The following PRKN variants were observed in gnomAD, a reference collection of about 807,000 sequenced individuals.
The protein encoded by PRKN is parkin RBR E3 ubiquitin protein ligase, also known as E3 ubiquitin-protein ligase parkin.
Under a neutral mutation model 59.5 loss-of-function variants are expected in PRKN, and 56 were observed. The observed-to-expected ratio is 0.94, with a 90% CI of 0.76 to 1.18. PRKN has a LOEUF of 1.18. Ranked by LOEUF, PRKN falls within the 50% of genes most tolerant of loss-of-function variation. PRKN has a pLI of 0.00. For synonymous variants in PRKN, 250 were observed against 222.1 expected (o/e 1.13, Z -1.12); for missense variants, 657 against 596.4 (o/e 1.10, Z -1.06).
At chr6:162,158,167 A>G (rs548690198) in intron 4 of PRKN, among the ~76,000 whole-genome samples, 1 of 152,148 alleles carries the variant, frequency 6.6e-6, no homozygotes, top group Non-Finnish European at 1.5e-5. Context: ...AAGGAATACC[A>G]TTAGGAAGGT....
chr6:162,158,055 G>A (rs1782594071), intron 4 of PRKN, among the ~76,000 whole-genome samples: 1 of 152,028 alleles, frequency 6.6e-6, no homozygotes, highest in South Asian at 2.1e-4. Flanking sequence ...GGTAACTCAT[G>A]AAATAGAGTA....
rs570380404 is a variant in PRKN at position 161,550,831 on chromosome 6, G to T, written c.934-1828C>A. On this transcript the variant is annotated intron_variant, in intron 8 of 11. Coordinates refer to ENST00000366898, the MANE Select transcript of PRKN (RefSeq NM_004562.3). This position sits in a 1 kb window ranked among gnomAD's most constrained non-coding sequence, Gnocchi z 4.0. ...TCAGTTTGATAAGCTATTACACAGC[G>T]ATGTCAAAATGTCCAGTATCTAATT... Among the ~76,000 whole-genome samples the T allele has an allele frequency of 6.6e-6, 1 of 151,924 alleles. No individual in the cohort carries two copies. The highest frequency in any genetic ancestry group is 2.1e-4 in the South Asian group (1 of 4,800).
intron 7 of PRKN, among the ~76,000 whole-genome samples, chr6:161,640,667 C>A (rs920449432): frequency 6.6e-6 from 1 of 152,074 alleles, no homozygotes; most frequent in Admixed American, 6.5e-5. Context: ...ACGGCCTTTA[C>A]CACCGAGGTT....
intron 4 of PRKN, among the ~76,000 whole-genome samples, chr6:162,173,444 G>A (rs1423833498): frequency 1.3e-5 from 2 of 152,044 alleles, no homozygotes; most frequent in East Asian, 3.9e-4. Flanking sequence ...AAAAACTGAC[G>A]AAGCCTTCCT....
chr6:161,569,176 G>C (rs1159709370), intron 8 of PRKN, among the ~76,000 whole-genome samples, 179 bp downstream of exon 8: 2 of 152,208 alleles, frequency 1.3e-5, no homozygotes, highest in Non-Finnish European at 2.9e-5. Context: ...TAACCTGTCA[G>C]GTCTGATGGA....
intron 4 of PRKN, among the ~76,000 whole-genome samples, chr6:162,116,002 A>C (rs1780655129): frequency 6.6e-6 from 1 of 152,214 alleles, no homozygotes; most frequent in Non-Finnish European, 1.5e-5. Context: ...TTACAGGGCC[A>C]CTGCCCACTC....
chr6:162,342,151 C>T (rs1454239517), intron 2 of PRKN, among the ~76,000 whole-genome samples: 3 of 152,086 alleles, frequency 2.0e-5, no homozygotes, highest in Non-Finnish European at 4.4e-5. Flanking sequence ...TCTGTGTCAA[C>T]CTATTTGGTA....
intron 2 of PRKN, among the ~76,000 whole-genome samples, chr6:162,385,952 G>C (rs1786779992): frequency 6.6e-6 from 1 of 151,726 alleles, no homozygotes; most frequent in South Asian, 2.1e-4. Context: ...AGGTCCTCTT[G>C]TCCTATTGAG....
At chr6:162,451,047 A>G (rs1401724900) in intron 1 of PRKN, among the ~76,000 whole-genome samples, 2 of 152,164 alleles carry the variant, frequency 1.3e-5, no homozygotes, top group Non-Finnish European at 2.9e-5. Flanking sequence ...TTAAAGAAAA[A>G]GATCTAGATG....
chr6:162,440,532 T>G (rs539438060), intron 2 of PRKN, among the ~76,000 whole-genome samples: 2 of 152,284 alleles, frequency 1.3e-5, no homozygotes, highest in South Asian at 2.1e-4. Context: ...AATTTTGTCC[T>G]GGAATAATTA....
At chr6:161,513,389 T>C (rs1487660950) in intron 9 of PRKN, among the ~76,000 whole-genome samples, 2 of 152,086 alleles carry the variant, frequency 1.3e-5, no homozygotes, top group Non-Finnish European at 1.5e-5. Flanking sequence ...TACAGGTGCA[T>C]GCCACCACGC....
At chr6:162,031,165 C>CA (rs982305183) in intron 5 of PRKN, among the ~76,000 whole-genome samples, 3 of 151,166 alleles carry the variant, frequency 2.0e-5, no homozygotes, top group Non-Finnish European at 2.9e-5. Flanking sequence ...CTGAGAAGGA[C>CA]AATTCTAGAG....
intron 2 of PRKN, among the ~76,000 whole-genome samples, chr6:162,318,792 A>G (rs867110365): frequency 4.6e-5 from 7 of 152,064 alleles, no homozygotes; most frequent in African/African-American, 7.2e-5. Flanking sequence ...GGCCAAAGAT[A>G]TAACATTTGT....
In PRKN at chr6:162,580,568, G is replaced by GA. The variant is rs35986286; in HGVS notation, c.8-137096dup. Among the ~76,000 whole-genome samples, 188 of 144,738 alleles carry GA rather than the reference G, an allele frequency of 1.3e-3. 1 individual carries two copies. Among genetic ancestry groups the GA allele is most frequent in the South Asian group, 7.0e-3 (32 of 4,590 alleles). The allele number at this position is 144,738 out of a possible 152,430, so 95.0% of individuals were successfully genotyped here. ...TAGGAGGATAACAATGGCAAACAGA[G>GA]AAAAAAAAAAAAATCTGTACGATGC... On this transcript the variant is annotated intron_variant, in intron 1 of 11. Coordinates refer to ENST00000366898, the MANE Select transcript of PRKN (RefSeq NM_004562.3).
intron 6 of PRKN, among the ~76,000 whole-genome samples, chr6:161,968,333 C>T (rs1454371544): frequency 6.6e-6 from 1 of 151,992 alleles, no homozygotes; most frequent in Admixed American, 6.6e-5. Context: ...CTCACCATGC[C>T]CAGCCTCAGT....
Position 162,281,028 on chromosome 6 carries a change from A to G in PRKN, c.172-18263T>C, listed in dbSNP as rs117409442. Among the ~76,000 whole-genome samples, 241 of 152,276 alleles carry G rather than the reference A, an allele frequency of 1.6e-3. 4 individuals are homozygous for G. The East Asian group carries it at 0.024, about 15-fold the overall frequency. On this transcript the variant is annotated intron_variant, in intron 2 of 11. Transcript: ENST00000366898. ...TCATCCTCAGCAAACCAACACAGGA[A>G]CAGAAAAAAACACTGCATCCATGCC...
chr6:162,486,612 T>C (rs1222694886), intron 1 of PRKN, among the ~76,000 whole-genome samples: 3 of 152,248 alleles, frequency 2.0e-5, no homozygotes, highest in Non-Finnish European at 4.4e-5. Flanking sequence ...CTGATAGGTA[T>C]TATCAAATGC....
intron 6 of PRKN, among the ~76,000 whole-genome samples, chr6:161,956,549 T>C (rs1479833904): frequency 6.7e-6 from 1 of 150,150 alleles, no homozygotes; most frequent in Non-Finnish European, 1.5e-5. Flanking sequence ...AAAAATAAAC[T>C]CTCTCAATTA....
intron 1 of PRKN, among the ~76,000 whole-genome samples, chr6:162,477,440 T>A (rs1792073924): frequency 6.6e-6 from 1 of 152,194 alleles, no homozygotes; most frequent in African/African-American, 2.4e-5. Flanking sequence ...TTTGACAGCA[T>A]CTATACTCCT....
Sources: gnomAD v4.1 joint callset for allele counts (sites outside exome capture counted in the v4.1 genomes callset) on GRCh38, gnomAD v4.1.1 for gene constraint, Gnocchi (gnomAD v3.1) non-coding constraint, MANE v1.5 for transcripts, NCBI Gene and HGNC (gene_info 2026-07-23, HGNC 2026-07-21) for gene names.